TBC1D5: variants seen among roughly 807,000 people sequenced by gnomAD.
The protein encoded by TBC1D5 is TBC1 domain family member 5, also known as TBC1 domain family, member 5.
A neutral mutation model predicts 100.3 loss-of-function variants in TBC1D5; 75 were observed. The observed-to-expected ratio is 0.75, with a 90% CI of 0.62 to 0.91. The LOEUF is 0.91. TBC1D5 is among the 40% of genes least tolerant of loss of function. The probability of loss-of-function intolerance (pLI) is 0.00; values close to 1 mark genes in which losing one functional copy is unlikely to be tolerated. For missense variants in TBC1D5, 910 were observed against 942.4 expected (o/e 0.97, Z 0.45); for synonymous variants, 323 against 325.6 (o/e 0.99, Z 0.09).
chr3:17,429,587 C>T lies in TBC1D5; in HGVS notation c.98-1068G>A, dbSNP rs1216277448. On this transcript the variant is annotated intron_variant, in intron 3 of 21. Transcript: ENST00000253692. ...AACCGAAGGTGCAATAGGAAATCAT[C>T]ACAGTGGTCGTGGATAAGTCAAACA... Among the ~76,000 whole-genome samples, 3 of 151,922 alleles carry T rather than the reference C, an allele frequency of 2.0e-5. No homozygotes were observed. In the East Asian group the frequency reaches 5.8e-4, roughly 29 times the overall value.
intron 18 of TBC1D5, among the ~76,000 whole-genome samples, chr3:17,213,942 T>G (rs908950517): frequency 6.6e-6 from 1 of 151,564 alleles, no homozygotes; most frequent in Non-Finnish European, 1.5e-5. Flanking sequence ...AAAAGGCATT[T>G]GTAGAGAAAA....
In TBC1D5 at chr3:17,705,628, G is replaced by A. The variant is rs1206365957; in HGVS notation, c.-101+33715C>T. On this transcript the variant is annotated intron_variant, in intron 1 of 21. Transcript: ENST00000253692. ...CCAGATGGGGCGGCGGGGCAGAGGC[G>A]CTCCCCACATCTCAGACGATGGGCG... 6.6e-5 allele frequency among the ~76,000 whole-genome samples: 8 copies of A among 121,792 alleles called. No individual in the cohort carries two copies. The South Asian group carries it at 1.0e-3, about 16-fold the overall frequency. The allele number at this position is 121,792 out of a possible 152,430, so 79.9% of individuals were successfully genotyped here. A position where few individuals can be genotyped will look rare whatever the true frequency, so the allele number is the denominator to read the frequency against.
intron 2 of TBC1D5, among the ~76,000 whole-genome samples, chr3:17,526,728 T>C (rs2096140939): frequency 6.6e-6 from 1 of 152,202 alleles, no homozygotes. Context: ...CTTTAATTGT[T>C]ATCACCATTA....
In TBC1D5 at chr3:17,438,509, T is replaced by G. The variant is rs954001078; in HGVS notation, c.98-9990A>C. Among the ~76,000 whole-genome samples the G allele has an allele frequency of 5.3e-5, 8 of 152,312 alleles. No individual in the cohort carries two copies. In the Middle Eastern group the frequency reaches 0.014, roughly 259 times the overall value. On this transcript the variant is annotated intron_variant, in intron 3 of 21. Transcript: ENST00000253692. ...GATGGTTTTATAAGGGGATTCCCCC[T>G]TCGCTGGGCACTCACTTTCTCTCCT...
intron 2 of TBC1D5, among the ~76,000 whole-genome samples, chr3:17,611,275 G>T (rs1447953988): frequency 6.6e-6 from 1 of 152,150 alleles, no homozygotes; most frequent in Non-Finnish European, 1.5e-5. Flanking sequence ...CATAAATCCT[G>T]ATCTCAGAAG....
chr3:17,342,398 C>CATGA (rs2089129704), intron 13 of TBC1D5, among the ~76,000 whole-genome samples: 2 of 152,190 alleles, frequency 1.3e-5, no homozygotes. Context: ...GCTACACATG[C>CATGA]CTCTTATTTC....
At chr3:17,340,621 GTATT>G (rs2088727670) in intron 13 of TBC1D5, 1 of 152,168 alleles carries the variant, frequency 6.6e-6, no homozygotes, top group Non-Finnish European at 1.5e-5. Flanking sequence ...CTTAACAAAA[GTATT>G]TATTGTTTCA....
At chr3:17,476,024 C>A (rs766304569) in intron 3 of TBC1D5, among the ~76,000 whole-genome samples, 3 of 152,014 alleles carry the variant, frequency 2.0e-5, no homozygotes, top group Non-Finnish European at 2.9e-5. Flanking sequence ...TCCTTTACTA[C>A]AAAATATAGG....
intron 13 of TBC1D5, among the ~76,000 whole-genome samples, chr3:17,350,498 G>A (rs1336330244): frequency 1.3e-5 from 2 of 152,108 alleles, no homozygotes; most frequent in Admixed American, 1.3e-4. Context: ...CATAAGCTCA[G>A]AATTGATTGA....
At chr3:17,475,326 G>A (rs937116569) in intron 3 of TBC1D5, among the ~76,000 whole-genome samples, 1 of 151,842 alleles carries the variant, frequency 6.6e-6, no homozygotes, top group Non-Finnish European at 1.5e-5. Flanking sequence ...CATCTCAGAC[G>A]TCACCATACA....
intron 16 of TBC1D5, among the ~76,000 whole-genome samples, chr3:17,256,682 C>T (rs946050423): frequency 6.6e-6 from 1 of 151,986 alleles, no homozygotes; most frequent in African/African-American, 2.4e-5. Flanking sequence ...GTCCTAGGTG[C>T]CATGAAGTGG....
chr3:17,631,251 C>T (rs559924022), intron 1 of TBC1D5, among the ~76,000 whole-genome samples: 1 of 152,194 alleles, frequency 6.6e-6, no homozygotes, highest in South Asian at 2.1e-4. Flanking sequence ...AAACCAAAGT[C>T]TAATCCAGAG....
chr3:17,354,813 T>C (rs1355096141), intron 13 of TBC1D5, among the ~76,000 whole-genome samples: 2 of 152,040 alleles, frequency 1.3e-5, no homozygotes, highest in Non-Finnish European at 2.9e-5. Flanking sequence ...TGTATAAATA[T>C]ACAGGTATGA....
intron 3 of TBC1D5, among the ~76,000 whole-genome samples, chr3:17,484,892 G>A (rs116400735): frequency 6.6e-6 from 1 of 152,074 alleles, no homozygotes; most frequent in Admixed American, 6.5e-5. Flanking sequence ...AGTGGAAAAT[G>A]AGGAACCCAC....
intron 4 of TBC1D5, among the ~76,000 whole-genome samples, chr3:17,420,976 A>T (rs1410516488): frequency 6.6e-6 from 1 of 152,226 alleles, no homozygotes; most frequent in Non-Finnish European, 1.5e-5. Context: ...AAAGGGCTTG[A>T]AGGGGTTTCT....
chr3:17,167,627 T>C (rs1425055110), intron 20 of TBC1D5, 122 bp downstream of exon 21: 6 of 801,408 alleles, frequency 7.5e-6, no homozygotes, highest in African/African-American at 7.0e-5. Context: ...GAAGGGGCTC[T>C]GTCTGGGAGG....
At chr3:17,412,473 A>G (rs2093954479) in intron 4 of TBC1D5, among the ~76,000 whole-genome samples, 1 of 152,154 alleles carries the variant, frequency 6.6e-6, no homozygotes, top group Non-Finnish European at 1.5e-5. Flanking sequence ...TTTTTTTACA[A>G]TCACAAATAT....
chr3:17,646,282 C>A (rs1406844316), intron 1 of TBC1D5, among the ~76,000 whole-genome samples: 1 of 152,162 alleles, frequency 6.6e-6, no homozygotes, highest in African/African-American at 2.4e-5. Flanking sequence ...CCCCTAGAAC[C>A]TTTAGCCTAC....
intron 13 of TBC1D5, among the ~76,000 whole-genome samples, chr3:17,327,924 T>A (rs1011378237): frequency 2.6e-5 from 4 of 152,178 alleles, no homozygotes; most frequent in Non-Finnish European, 4.4e-5. Flanking sequence ...GCTTTCTTTA[T>A]AAAATCTAGT....
Sources: allele counts gnomAD v4.1 joint callset (sites outside exome capture counted in the v4.1 genomes callset), GRCh38; gene constraint gnomAD v4.1.1; transcripts MANE v1.5; gene names NCBI Gene and HGNC (gene_info 2026-07-23, HGNC 2026-07-21).